PGPEP1: variants seen among roughly 807,000 people sequenced by gnomAD.
PGPEP1 encodes the protein pyroglutamyl-peptidase 1.
In PGPEP1, 15 loss-of-function variants were observed where a neutral mutation model predicts 24.1. That is an observed-to-expected ratio of 0.62 (90% CI 0.42 to 0.96). PGPEP1 has a LOEUF of 0.96. Ranked by LOEUF, PGPEP1 falls within the 40% of genes least tolerant of loss-of-function variation. The pLI, the probability that PGPEP1 is intolerant of heterozygous loss-of-function variation, is 0.00. For missense variants in PGPEP1, 242 were observed against 273.4 expected, an observed-to-expected ratio of 0.89 and a Z score of 0.81; for synonymous variants, 122 against 116.4, an observed-to-expected ratio of 1.05 and a Z score of -0.31.
chr19:18,358,449 A>G (rs150286074), intron 4 of PGPEP1, among the ~76,000 whole-genome samples: 9,247 of 151,558 alleles, frequency 0.061, 397 homozygotes, highest in Middle Eastern at 0.13. Flanking sequence ...TATTAGAGAC[A>G]GGGTTTCTCC....
At chr19:18,348,060 CT>C (rs1367003079) in intron 2 of PGPEP1, among the ~76,000 whole-genome samples, 1 of 151,998 alleles carries the variant, frequency 6.6e-6, no homozygotes, top group Non-Finnish European at 1.5e-5. Flanking sequence ...GGGACCCCCC[CT>C]TGTCTTTCCT....
chr19:18,348,371 G>A (rs1207727615), intron 2 of PGPEP1, among the ~76,000 whole-genome samples: 5 of 152,162 alleles, frequency 3.3e-5, no homozygotes, highest in Non-Finnish European at 7.4e-5. Context: ...GGTCTTTGTC[G>A]TGGGGTCAGG....
intron 4 of PGPEP1, among the ~76,000 whole-genome samples, chr19:18,358,689 C>T (rs1971260868): frequency 6.6e-6 from 1 of 152,044 alleles, no homozygotes; most frequent in Non-Finnish European, 1.5e-5. Context: ...CATCTCGGCT[C>T]ACTGCAACCT....
In PGPEP1 at chr19:18,355,521, A is replaced by C. The variant is rs181021023; in HGVS notation, c.88-374A>C. ...GGTGATCCGCCCACCTTGGCCTCCCAAAGTGCTGGGATTACAGGCCTGAGC... is the reference window on the plus strand; with the variant it reads ...GGTGATCCGCCCACCTTGGCCTCCCCAAGTGCTGGGATTACAGGCCTGAGC... On this transcript the variant is annotated intron_variant, in intron 2 of 4. Coordinates refer to ENST00000269919, the MANE Select transcript of PGPEP1 (RefSeq NM_017712.4). Among the ~76,000 whole-genome samples the C allele has an allele frequency of 6.6e-5, 10 of 152,264 alleles. No homozygotes were observed. In the East Asian group the frequency reaches 1.9e-3, roughly 29 times the overall value.
rs960360879 is a variant in PGPEP1 at position 18,368,281 on chromosome 19, T to A, written c.*4698T>A. ...AGCAAAACCCCATCTCTACTAAAAA[T>A]ACAAAAATTAGTCAAGAGTGGATGG... On this transcript the variant is annotated 3_prime_UTR_variant, in exon 5 of 5. Transcript: ENST00000269919. The A allele has an allele frequency of 6.6e-6, 1 of 151,340 alleles. No homozygotes were observed. The highest frequency in any genetic ancestry group is 2.4e-5 in the African/African-American group (1 of 41,122). 9.4% of individuals were successfully genotyped at this position (151,340 alleles called of 1,614,324 possible). A position where few individuals can be genotyped will look rare whatever the true frequency, so the allele number is the denominator to read the frequency against.
At position 18,363,592 on chromosome 19, in the gene PGPEP1, C is replaced by T. The variant is rs758331059; in HGVS notation, c.*9C>T. ...ATTGCCACAAACACTGAGGGACGCT[C>T]AGGTCTCCTAAGACCTCATCCTGCT... On this transcript the variant is annotated 3_prime_UTR_variant, in exon 5 of 5. Transcript: ENST00000269919. 6.8e-6 allele frequency: 11 copies of T among 1,608,302 alleles called. No homozygotes were observed. The highest frequency in any genetic ancestry group is 4.5e-5 in the East Asian group (2 of 44,768).
At position 18,355,911 on chromosome 19, in the gene PGPEP1, G is replaced by A. The variant is rs1262782007; in HGVS notation, c.104G>A (p.Gly35Asp). 1 of 1,612,440 alleles carries A rather than the reference G, an allele frequency of 6.2e-7. No homozygotes were observed. Among genetic ancestry groups the A allele is most frequent in the Admixed American group, 1.7e-5 (1 of 59,966 alleles). ...WIAVQELEKL[G>D]LGDSVDLHVY... ...CTCTTCCAGGAGCTAGAAAAGCTAG[G>A]CCTTGGCGACAGCGTGGACCTGCAT... Residue 35 changes from glycine (G) to aspartate (D), a missense_variant, in exon 3 of 5, where the codon GGC (glycine) becomes GAC (aspartate). Physicochemically the swap from Gly to Asp is moderately conservative, Grantham distance 94 (BLOSUM62 -1). Coordinates refer to ENST00000269919, the MANE Select transcript of PGPEP1 (RefSeq NM_017712.4).
In PGPEP1 at chr19:18,364,103, T is replaced by TCTTTCTTTCTTTCTTGCTTTCTTTCTTG. The variant is rs1555713578; in HGVS notation, c.*531_*532insTCTTGCTTTCTTTCTTGCTTTCTTTCTT. ...GGCTGGCTTTCTTTCTTTCTTTCTT[T>TCTTTCTTTCTTTCTTGCTTTCTTTCTTG]CTTTCTTTCTTGCTTTCTTTCTTTC... On this transcript the variant is annotated 3_prime_UTR_variant, in exon 5 of 5. Coordinates refer to ENST00000269919, the MANE Select transcript of PGPEP1 (RefSeq NM_017712.4). The TCTTTCTTTCTTTCTTGCTTTCTTTCTTG allele has an allele frequency of 8.1e-5, 11 of 135,014 alleles. No homozygotes were observed. The highest frequency in any genetic ancestry group is 2.3e-4 in the South Asian group (1 of 4,372). The allele number at this position is 135,014 out of a possible 1,614,324, so 8.4% of individuals were successfully genotyped here.
intron 2 of PGPEP1, among the ~76,000 whole-genome samples, chr19:18,345,670 G>A (rs1406855241): frequency 1.4e-5 from 2 of 146,266 alleles, no homozygotes; most frequent in African/African-American, 5.1e-5. Context: ...AGGCTGCAGT[G>A]AGCCCTCATA....
Position 18,346,768 on chromosome 19 carries a change from G to C in PGPEP1, c.87+3857G>C, listed in dbSNP as rs188104335. Reference sequence around the variant, plus strand: ...CAATTCTCCTGCCTCAGCCTCCTGAGTAGCTGGGATTACAGGCATGTACCA... The same window carrying C: ...CAATTCTCCTGCCTCAGCCTCCTGACTAGCTGGGATTACAGGCATGTACCA... On this transcript the variant is annotated intron_variant, in intron 2 of 4. Transcript: ENST00000269919. Among the ~76,000 whole-genome samples, 254 of 151,240 alleles carry C rather than the reference G, an allele frequency of 1.7e-3. 1 individual carries two copies. Among genetic ancestry groups the C allele is most frequent in the African/African-American group, 6.0e-3 (246 of 41,218 alleles).
At chr19:18,357,802 C>T (rs990685190) in intron 4 of PGPEP1, 187 bp downstream of exon 4, 2 of 591,078 alleles carry the variant, frequency 3.4e-6, no homozygotes, top group African/African-American at 3.7e-5. Context: ...CATGGATCTG[C>T]CCACTTCTCC....
In PGPEP1 at chr19:18,364,143, C is replaced by CT. The variant is rs1264027485; in HGVS notation, c.*561dup. ...TTCTTTCTTTCTTGCTTTCTTTCTT[C>CT]TCTCTCTCTCTTTTTTTTTTTTTTT... On this transcript the variant is annotated 3_prime_UTR_variant, in exon 5 of 5. Transcript: ENST00000269919. 2.3e-5 allele frequency: 1 copy of CT among 43,014 alleles called. No homozygotes were observed. The highest frequency in any genetic ancestry group is 2.6e-4 in the Admixed American group (1 of 3,774). The allele number at this position is 43,014 out of a possible 1,614,324, so 2.7% of individuals were successfully genotyped here. A position where few individuals can be genotyped will look rare whatever the true frequency, so the allele number is the denominator to read the frequency against.
Position 18,340,654 on chromosome 19 carries a change from C to T in PGPEP1, c.-28C>T. 1 of 1,534,264 alleles carries T rather than the reference C, an allele frequency of 6.5e-7. No individual in the cohort carries two copies. On this transcript the variant is annotated 5_prime_UTR_variant, in exon 1 of 5. Coordinates refer to ENST00000269919, the MANE Select transcript of PGPEP1 (RefSeq NM_017712.4). Reference sequence around the variant, plus strand: ...GCTGTCGCGCCAGTCGCAACAGAAGCAGGTCCGAGGCACAGCCCGATCCCG... The same window carrying T: ...GCTGTCGCGCCAGTCGCAACAGAAGTAGGTCCGAGGCACAGCCCGATCCCG...
chr19:18,360,294 G>A (rs1406778164), intron 4 of PGPEP1, among the ~76,000 whole-genome samples: 3 of 152,016 alleles, frequency 2.0e-5, no homozygotes, highest in South Asian at 2.1e-4. Flanking sequence ...AAAAGCCACC[G>A]CACACCACTG....
chr19:18,347,559 T>C (rs1970887649), intron 2 of PGPEP1, among the ~76,000 whole-genome samples: 1 of 151,734 alleles, frequency 6.6e-6, no homozygotes, highest in Non-Finnish European at 1.5e-5. Flanking sequence ...TCTTTCTCTC[T>C]GAATCTGTCT....
intron 2 of PGPEP1, among the ~76,000 whole-genome samples, chr19:18,355,351 C>T (rs1971151124): frequency 6.6e-6 from 1 of 151,148 alleles, no homozygotes; most frequent in Admixed American, 6.6e-5. Context: ...ACCTCTGCCT[C>T]CCGGGTTCAA....
chr19:18,362,234 C>G (rs899639783), intron 4 of PGPEP1, among the ~76,000 whole-genome samples: 1 of 151,584 alleles, frequency 6.6e-6, no homozygotes, highest in African/African-American at 2.4e-5. Flanking sequence ...TGGTGAAACC[C>G]CGTCTCTACT....
At chr19:18,359,056 G>A (rs1340929898) in intron 4 of PGPEP1, among the ~76,000 whole-genome samples, 1 of 152,068 alleles carries the variant, frequency 6.6e-6, no homozygotes, top group Non-Finnish European at 1.5e-5. Flanking sequence ...GGGAGGCCAA[G>A]GCAGGAGGAT....
chr19:18,354,242 TAA>T (rs934333421), intron 2 of PGPEP1, among the ~76,000 whole-genome samples: 4 of 146,322 alleles, frequency 2.7e-5, no homozygotes, highest in African/African-American at 7.6e-5. Flanking sequence ...CTCAAAAAAA[TAA>T]AAGACTCTTG....
Sources: allele counts gnomAD v4.1 joint callset (sites outside exome capture counted in the v4.1 genomes callset), GRCh38; gene constraint gnomAD v4.1.1; transcripts MANE v1.5; gene names NCBI Gene and HGNC (gene_info 2026-07-23, HGNC 2026-07-21).